Variants in LRBA observed in about 807,000 individuals in gnomAD.
LRBA encodes the protein lipopolysaccharide-responsive and beige-like anchor protein.
LRBA carries 176 observed loss-of-function variants against 330.0 expected under a neutral mutation model. The observed-to-expected ratio is 0.53, with a 90% CI of 0.47 to 0.60. LRBA has a LOEUF of 0.60. Among genes scored for constraint, LRBA ranks in the 20% least tolerant of loss-of-function variants. The pLI, the probability that LRBA is intolerant of heterozygous loss-of-function variation, is 0.00. For synonymous variants in LRBA, 1,230 were observed against 1,193.0 expected, an observed-to-expected ratio of 1.03 and a Z score of -0.64; for missense variants, 3,259 against 3,444.8, an observed-to-expected ratio of 0.95 and a Z score of 1.35.
chr4:150,909,160 TTAAG>T (rs963351177), intron 9 of LRBA, among the ~76,000 whole-genome samples: 50 of 152,314 alleles, frequency 3.3e-4, no homozygotes, highest in African/African-American at 1.2e-3. Flanking sequence ...ACTTACCATC[TTAAG>T]TATTTTTAAG....
chr4:150,597,637 A>G (rs1196996132), intron 38 of LRBA, among the ~76,000 whole-genome samples: 14 of 151,936 alleles, frequency 9.2e-5, no homozygotes, highest in Admixed American at 8.5e-4. Context: ...ATGGTAATAC[A>G]TTTTGTTAAA....
intron 37 of LRBA, among the ~76,000 whole-genome samples, chr4:150,647,807 A>AC (rs1779304972): frequency 4.6e-5 from 7 of 151,628 alleles, no homozygotes; most frequent in Admixed American, 4.6e-4. Context: ...ACTTTCAAAG[A>AC]CCCCTCCATA....
rs917770124 is a variant in LRBA at position 150,946,690 on chromosome 4, T to G, written c.217-17625A>C. Among the ~76,000 whole-genome samples the G allele has an allele frequency of 4.6e-5, 7 of 151,664 alleles. 1 individual carries two copies. The highest frequency in any genetic ancestry group is 1.0e-4 in the Non-Finnish European group (7 of 67,928). ...TAAGTTTCCATTTTAAAGAACCTAG[T>G]AGAAAAGCAAAATAAGCCCAAAACA... is the stretch of plus-strand genomic sequence containing the variant. On this transcript the variant is annotated intron_variant, in intron 2 of 56. Coordinates refer to ENST00000651943, the MANE Select transcript of LRBA (RefSeq NM_001364905.1).
intron 48 of LRBA, among the ~76,000 whole-genome samples, chr4:150,349,308 A>C (rs1005684867): frequency 6.6e-6 from 1 of 152,172 alleles, no homozygotes; most frequent in African/African-American, 2.4e-5. Flanking sequence ...TCCTAAACGC[A>C]GTTGTGTTCT....
chr4:150,785,251 G>T (rs566497047), intron 34 of LRBA, among the ~76,000 whole-genome samples: 1 of 152,274 alleles, frequency 6.6e-6, no homozygotes, highest in African/African-American at 2.4e-5. Context: ...TGGTTGGCAA[G>T]TTCAGGTGGG....
At chr4:150,761,895 TTC>T in intron 34 of LRBA, 48 bp from the exon 35 acceptor site, 1 of 928,576 alleles carries the variant, frequency 1.1e-6, no homozygotes, top group Non-Finnish European at 1.7e-6. Flanking sequence ...ACTCAGTAGG[TTC>T]TTTCTTTTAA....
intron 37 of LRBA, 137 bp from the exon 38 acceptor site, chr4:150,599,268 A>G: frequency 3.7e-6 from 3 of 804,774 alleles, no homozygotes; most frequent in Non-Finnish European, 5.8e-6. Context: ...TCCATCTCAC[A>G]CTCCCCTTTC....
At chr4:150,626,731 A>G (rs551730412) in intron 37 of LRBA, among the ~76,000 whole-genome samples, 3 of 152,278 alleles carry the variant, frequency 2.0e-5, no homozygotes, top group South Asian at 2.1e-4. Flanking sequence ...TCACTGCCAC[A>G]TATTAGATAA....
In LRBA at chr4:151,014,179, C is replaced by G. The variant is rs548441684; in HGVS notation, c.216+248G>C. 4 of 379,346 alleles carry G rather than the reference C, an allele frequency of 1.1e-5. No individual in the cohort carries two copies. The South Asian group carries it at 3.1e-4, about 29-fold the overall frequency. The allele number at this position is 379,346 out of a possible 1,614,324, so 23.5% of individuals were successfully genotyped here. ...GAACCTCCCCCCAATACTTCCATAG[C>G]AACAATTATTTCCTTAGCACAAAAG... On this transcript the variant is annotated intron_variant, in intron 2 of 56. Transcript: ENST00000651943.
At chr4:150,721,512 G>GT in intron 36 of LRBA, 2 of 224,346 alleles carry the variant, frequency 8.9e-6, no homozygotes, top group Non-Finnish European at 1.7e-5. Context: ...AGAAGAACTG[G>GT]GTTTTTTTTT....
At chr4:150,641,675 A>G (rs1258122571) in intron 37 of LRBA, among the ~76,000 whole-genome samples, 1 of 152,114 alleles carries the variant, frequency 6.6e-6, no homozygotes, top group Non-Finnish European at 1.5e-5. Context: ...CACATCAATC[A>G]ATACCTTTAT....
In LRBA at chr4:150,658,504, AGT is replaced by A. The variant is rs1193597615; in HGVS notation, c.5921+25045_5921+25046del. 2.3e-4 allele frequency among the ~76,000 whole-genome samples: 5 copies of A among 21,560 alleles called. 1 individual carries two copies. The highest frequency in any genetic ancestry group is 3.3e-4 in the African/African-American group (5 of 15,028). 14.1% of individuals were successfully genotyped at this position (21,560 alleles called of 152,430 possible). A position where few individuals can be genotyped will look rare whatever the true frequency, so the allele number is the denominator to read the frequency against. On this transcript the variant is annotated intron_variant, in intron 37 of 56. Transcript: ENST00000651943. ...CTTGAAAAACCTATCAGAAAATAAAAGTCTCCCTCTCCCTCTCCCTCTCCCTC... is the reference window on the plus strand; with the variant it reads ...CTTGAAAAACCTATCAGAAAATAAAACTCCCTCTCCCTCTCCCTCTCCCTC...
At chr4:150,426,705 A>G (rs968733154) in intron 46 of LRBA, among the ~76,000 whole-genome samples, 28 of 152,002 alleles carry the variant, frequency 1.8e-4, no homozygotes, top group African/African-American at 5.8e-4. Context: ...AGCATTTAAC[A>G]TAACTCTAAG....
intron 40 of LRBA, among the ~76,000 whole-genome samples, chr4:150,500,463 G>A (rs545564284): frequency 6.6e-6 from 1 of 152,036 alleles, no homozygotes; most frequent in East Asian, 1.9e-4. Context: ...TGTAATCCCA[G>A]CTTACTCAGG....
At chr4:150,750,865 T>C (rs918711297) in intron 35 of LRBA, among the ~76,000 whole-genome samples, 3 of 151,338 alleles carry the variant, frequency 2.0e-5, no homozygotes, top group African/African-American at 7.3e-5. Context: ...ATGTGCTTCC[T>C]TAACCAGAAC....
chr4:150,948,222 T>C lies in LRBA; in HGVS notation c.217-19157A>G, dbSNP rs1219032423. The stretch of plus-strand genomic sequence containing the variant: ...GTAGAAAGAATCCATCTACCCAATT[T>C]CAAAACTTATTATGTAGCTACAGCA... On this transcript the variant is annotated intron_variant, in intron 2 of 56. Coordinates refer to ENST00000651943, the MANE Select transcript of LRBA (RefSeq NM_001364905.1). Among the ~76,000 whole-genome samples, 4 of 152,176 alleles carry C rather than the reference T, an allele frequency of 2.6e-5. No individual in the cohort carries two copies. The East Asian group carries it at 5.8e-4, about 22-fold the overall frequency.
chr4:150,713,639 C>A (rs1290556189), intron 36 of LRBA, among the ~76,000 whole-genome samples: 2 of 152,114 alleles, frequency 1.3e-5, no homozygotes, highest in Non-Finnish European at 2.9e-5. Context: ...AATTTTTATG[C>A]AAGCCCAAGA....
chr4:150,988,812 T>A (rs200372726), intron 2 of LRBA, among the ~76,000 whole-genome samples: 1 of 151,904 alleles, frequency 6.6e-6, no homozygotes, highest in Admixed American at 6.5e-5. Context: ...CTCTTGACCT[T>A]GTGATCCACC....
chr4:150,448,887 A>G (rs1250210914), intron 44 of LRBA, among the ~76,000 whole-genome samples: 1 of 150,192 alleles, frequency 6.7e-6, no homozygotes, highest in Non-Finnish European at 1.5e-5. Context: ...AAATACCAGT[A>G]TTGGGTGAAT....
Sources: allele counts gnomAD v4.1 joint callset (sites outside exome capture counted in the v4.1 genomes callset), GRCh38; gene constraint gnomAD v4.1.1; transcripts MANE v1.5; gene names NCBI Gene and HGNC (gene_info 2026-07-23, HGNC 2026-07-21).